The following MGAM variants were observed in gnomAD, a reference collection of about 807,000 sequenced individuals.
MGAM encodes the protein maltase-glucoamylase, also known as alpha-1,4-glucosidase.
In MGAM, 253 loss-of-function variants were observed where a neutral mutation model predicts 358.8. The observed-to-expected ratio is 0.71, with a 90% confidence interval of 0.64 to 0.78. The LOEUF (loss-of-function observed/expected upper bound fraction) is 0.78, where lower values mean the gene tolerates loss of function less well. Ranked by LOEUF, MGAM falls within the 30% of genes least tolerant of loss-of-function variation. The pLI is 0.00. For missense variants in MGAM, 3,080 were observed against 3,432.6 expected, an observed-to-expected ratio of 0.90 and a Z score of 2.57; for synonymous variants, 1,105 against 1,227.1, an observed-to-expected ratio of 0.90 and a Z score of 2.08.
At chr7:142,072,417 T>G (rs1030617333) in intron 44 of MGAM, among the ~76,000 whole-genome samples, 1 of 146,402 alleles carries the variant, frequency 6.8e-6, no homozygotes, top group African/African-American at 2.4e-5. Context: ...TCCCTAATCT[T>G]CCAGCAGAGG....
rs1563214384 is a variant in MGAM at position 142,088,803 on chromosome 7, T to A, written c.6810+2086T>A. Reference sequence around the variant, plus strand: ...TATCTATCTATCTATCTATCTATCATTCTATCCTATCTATGTACCATCTAT... The same window carrying A: ...TATCTATCTATCTATCTATCTATCAATCTATCCTATCTATGTACCATCTAT... On this transcript the variant is annotated intron_variant, in intron 57 of 70. Coordinates refer to ENST00000475668, the MANE Select transcript of MGAM (RefSeq NM_001365693.1). Among the ~76,000 whole-genome samples the A allele has an allele frequency of 2.3e-4, 28 of 122,894 alleles. 3 individuals are homozygous for A. The highest frequency in any genetic ancestry group is 1.7e-3 in the South Asian group (6 of 3,600). The allele number at this position is 122,894 out of a possible 152,430, so 80.6% of individuals were successfully genotyped here. A position where few individuals can be genotyped will look rare whatever the true frequency, so the allele number is the denominator to read the frequency against.
At position 142,055,026 on chromosome 7, in the gene MGAM, G is replaced by T. The variant is rs973271825; in HGVS notation, c.3314+118G>T. The stretch of plus-strand genomic sequence containing the variant: ...CACATTGTCCACTTCCAGATCCATG[G>T]ATGAGTTGTTTCCTTCAGACCTATT... On this transcript the variant is annotated intron_variant, in intron 27 of 70. Transcript: ENST00000475668. 51 of 1,151,842 alleles carry T rather than the reference G, an allele frequency of 4.4e-5. No homozygotes were observed. In the African/African-American group the frequency reaches 6.2e-4, roughly 14 times the overall value. 71.4% of individuals were successfully genotyped at this position (1,151,842 alleles called of 1,614,324 possible). A position where few individuals can be genotyped will look rare whatever the true frequency, so the allele number is the denominator to read the frequency against.
intron 63 of MGAM, among the ~76,000 whole-genome samples, chr7:142,095,107 C>A (rs1815775490): frequency 6.6e-6 from 1 of 152,162 alleles, no homozygotes; most frequent in Non-Finnish European, 1.5e-5. Flanking sequence ...GCTGGGACTA[C>A]AGGCACATAC....
At chr7:142,080,003 T>G (rs1450025768) in intron 49 of MGAM, among the ~76,000 whole-genome samples, 6 of 146,544 alleles carry the variant, frequency 4.1e-5, no homozygotes, top group Admixed American at 2.1e-4. Flanking sequence ...TCCAAAATAT[T>G]TGCCTCTTTC....
intron 22 of MGAM, among the ~76,000 whole-genome samples, chr7:142,048,693 C>T (rs953052049): frequency 2.6e-5 from 4 of 152,034 alleles, no homozygotes; most frequent in African/African-American, 9.6e-5. Context: ...GCCTTGGAAG[C>T]CCTTGGAAGG....
intron 21 of MGAM, among the ~76,000 whole-genome samples, chr7:142,043,117 T>G (rs1809273209): frequency 4.7e-5 from 1 of 21,280 alleles, no homozygotes; most frequent in African/African-American, 2.4e-4. Flanking sequence ...AATATCTAAA[T>G]ATAATATATA....
At position 142,066,846 on chromosome 7, in the gene MGAM, C is replaced by T. The variant is rs1011515681; in HGVS notation, c.4919+125C>T. ...GGCCTTTTGACATGAGCTCTTCAGA[C>T]ACAAAGTATACCTGATTACTGTCTT... On this transcript the variant is annotated intron_variant, in intron 41 of 70. Transcript: ENST00000475668. 28 of 1,160,940 alleles carry T rather than the reference C, an allele frequency of 2.4e-5. 2 individuals carry two copies. The African/African-American group carries it at 3.7e-4, about 15-fold the overall frequency. 71.9% of individuals were successfully genotyped at this position (1,160,940 alleles called of 1,614,324 possible).
chr7:142,080,923 C>T lies in MGAM; in HGVS notation c.5980C>T (p.Arg1994Trp), dbSNP rs779295890. ...GAATCCATTTGGGATTGAAATTCGCCGGAAGAGTACAGGCACTATAATGTG... is the reference window on the plus strand; with the variant it reads ...GAATCCATTTGGGATTGAAATTCGCTGGAAGAGTACAGGCACTATAATGTG... ...KKNPFGIEIR[R>W]KSTGTIIWDS... is the part of the protein sequence containing the mutation. The change falls in exon 50 of 71, where the codon CGG (arginine) becomes TGG (tryptophan). Residue 1994 changes from arginine (R) to tryptophan (W), a missense_variant. Transcript: ENST00000475668. 1.4e-5 allele frequency: 22 copies of T among 1,555,308 alleles called. 4 individuals are homozygous for T. Among genetic ancestry groups the T allele is most frequent in the East Asian group, 4.6e-5 (2 of 43,908 alleles).
At chr7:142,004,068 A>G (rs1804961032) in intron 1 of MGAM, among the ~76,000 whole-genome samples, 1 of 152,046 alleles carries the variant, frequency 6.6e-6, no homozygotes, top group Admixed American at 6.6e-5. Flanking sequence ...TGCAGAAAAA[A>G]GGAAATGCTG....
chr7:142,103,793 T>G (rs970932003), intron 70 of MGAM, among the ~76,000 whole-genome samples: 1 of 152,170 alleles, frequency 6.6e-6, no homozygotes, highest in African/African-American at 2.4e-5. Flanking sequence ...GCTTCATTAT[T>G]TCATGTGCCA....
chr7:142,076,918 A>G, intron 47 of MGAM, 92 bp downstream of exon 47: 1 of 1,350,684 alleles, frequency 7.4e-7, no homozygotes, highest in Non-Finnish European at 1.0e-6. Flanking sequence ...TCCCTGAAGT[A>G]CCAGGGCACC....
At chr7:142,050,346 TGC>T (rs1186546242) in intron 23 of MGAM, 62 bp downstream of exon 23, 2 of 1,529,934 alleles carry the variant, frequency 1.3e-6, no homozygotes, top group African/African-American at 2.7e-5. Flanking sequence ...AGCACATCTG[TGC>T]TTGTGTATAT....
At position 142,098,159 on chromosome 7, in the gene MGAM, G is replaced by C. The variant is rs375006941; in HGVS notation, c.7749+510G>C. On this transcript the variant is annotated intron_variant, in intron 66 of 70. Transcript: ENST00000475668. The stretch of plus-strand genomic sequence containing the variant: ...TTAGGCAATGTGCAAAACACACACA[G>C]AGGTATGGGACCCAACCCTTGTGAG... 5.9e-5 allele frequency among the ~76,000 whole-genome samples: 9 copies of C among 152,254 alleles called. 1 individual carries two copies. The South Asian group carries it at 1.9e-3, about 32-fold the overall frequency.
chr7:142,049,858 T>C (rs934130804), intron 22 of MGAM, among the ~76,000 whole-genome samples: 1 of 152,172 alleles, frequency 6.6e-6, no homozygotes, highest in African/African-American at 2.4e-5. Flanking sequence ...AGAATGTAAA[T>C]TGTTACAACC....
At chr7:142,040,551 A>G in intron 20 of MGAM, 171 bp from the exon 21 acceptor site, 1 of 836,066 alleles carries the variant, frequency 1.2e-6, no homozygotes, top group Non-Finnish European at 1.8e-6. Flanking sequence ...CCCAACTGGT[A>G]GCAGAACATG....
rs530405716 is a variant in MGAM at position 142,063,092 on chromosome 7, G to T, written c.4257+390G>T. 1.4e-4 allele frequency among the ~76,000 whole-genome samples: 21 copies of T among 152,266 alleles called. No homozygotes were observed. In the East Asian group the frequency reaches 3.9e-3, roughly 28 times the overall value. On this transcript the variant is annotated intron_variant, in intron 35 of 70. Coordinates refer to ENST00000475668, the MANE Select transcript of MGAM (RefSeq NM_001365693.1). ...ACATGCCTATAATCCCAGCTATTTG[G>T]GTAGCTGAGGGAGGAGAATCGCTTG... is the stretch of plus-strand genomic sequence containing the variant.
intron 31 of MGAM, among the ~76,000 whole-genome samples, chr7:142,058,807 A>G (rs1811812869): frequency 6.6e-6 from 1 of 152,222 alleles, no homozygotes; most frequent in African/African-American, 2.4e-5. Context: ...TTTCCAGAGG[A>G]CATACATATG....
At chr7:142,078,255 C>T in intron 47 of MGAM, 63 bp from the exon 48 acceptor site, 1 of 1,210,912 alleles carries the variant, frequency 8.3e-7, no homozygotes, top group South Asian at 1.7e-5. Flanking sequence ...TAAATAAAGT[C>T]TTAGATTTTG....
chr7:142,022,016 C>T (rs782603706), intron 6 of MGAM, among the ~76,000 whole-genome samples: 15 of 152,056 alleles, frequency 9.9e-5, no homozygotes, highest in Non-Finnish European at 1.8e-4. Flanking sequence ...CATCTCCTAT[C>T]GTAAGTATAG....
Sources: gnomAD v4.1 joint callset for allele counts (sites outside exome capture counted in the v4.1 genomes callset) on GRCh38, gnomAD v4.1.1 for gene constraint, MANE v1.5 for transcripts, NCBI Gene and HGNC (gene_info 2026-07-23, HGNC 2026-07-21) for gene names.